MSH3: variants seen among roughly 807,000 people sequenced by gnomAD.
MSH3 encodes mutS homolog 3.
A neutral mutation model predicts 123.3 loss-of-function variants in MSH3; 106 were observed. The observed-to-expected ratio is 0.86, with a 90% CI of 0.73 to 1.01. MSH3 has a LOEUF of 1.01. Ranked by LOEUF, MSH3 falls within the 50% of genes least tolerant of loss-of-function variation. MSH3 has a pLI of 0.00. For missense variants in MSH3, 1,459 were observed against 1,347.6 expected, an observed-to-expected ratio of 1.08 and a Z score of -1.29; for synonymous variants, 515 against 481.4, an observed-to-expected ratio of 1.07 and a Z score of -0.91.
At position 80,858,930 on chromosome 5, in the gene MSH3, A is replaced by G. The variant is rs1745964841; in HGVS notation, c.3000+4614A>G. Among the ~76,000 whole-genome samples, 2 of 152,190 alleles carry G rather than the reference A, an allele frequency of 1.3e-5. 1 individual carries two copies. Among genetic ancestry groups the G allele is most frequent in the East Asian group, 3.8e-4 (2 of 5,198 alleles). ...TTAAGGATATTATGTCTTCTTGGAC[A>G]TAAGACATAATATCCTTTATCATTT... On this transcript the variant is annotated intron_variant, in intron 21 of 23. Coordinates refer to ENST00000265081, the MANE Select transcript of MSH3 (RefSeq NM_002439.5).
chr5:80,711,945 C>T (rs753050774), intron 8 of MSH3, among the ~76,000 whole-genome samples: 2 of 152,192 alleles, frequency 1.3e-5, no homozygotes, highest in Non-Finnish European at 2.9e-5. Flanking sequence ...TGAGCCACCA[C>T]GCCCGGCCAG....
intron 10 of MSH3, among the ~76,000 whole-genome samples, chr5:80,737,087 T>A (rs1020693296): frequency 6.6e-6 from 1 of 152,204 alleles, no homozygotes; most frequent in Non-Finnish European, 1.5e-5. Flanking sequence ...GTCATGTTGT[T>A]TAATTACAGA....
chr5:80,802,281 A>G lies in MSH3; in HGVS notation c.2655+9437A>G, dbSNP rs973211522. Among the ~76,000 whole-genome samples the G allele has an allele frequency of 2.0e-5, 3 of 152,032 alleles. No homozygotes were observed. In the South Asian group the frequency reaches 6.2e-4, roughly 32 times the overall value. Reference sequence around the variant, plus strand: ...TTTTCCTATATTCTTAAAAAGTCTTAAGATAACTTTTAATGGCTTCATGGT... The same window carrying G: ...TTTTCCTATATTCTTAAAAAGTCTTGAGATAACTTTTAATGGCTTCATGGT... On this transcript the variant is annotated intron_variant, in intron 19 of 23. Coordinates refer to ENST00000265081, the MANE Select transcript of MSH3 (RefSeq NM_002439.5).
At chr5:80,797,016 T>C (rs1744710386) in intron 19 of MSH3, among the ~76,000 whole-genome samples, 1 of 152,030 alleles carries the variant, frequency 6.6e-6, no homozygotes, top group African/African-American at 2.4e-5. Flanking sequence ...TGGTTTTCCC[T>C]CTGCTTAGAA....
chr5:80,770,861 A>G (rs890967927), intron 15 of MSH3, among the ~76,000 whole-genome samples: 1 of 152,234 alleles, frequency 6.6e-6, no homozygotes, highest in African/African-American at 2.4e-5. Flanking sequence ...GAAAATTATC[A>G]GGAATTCATA....
At chr5:80,862,049 T>A (rs1278467625) in intron 21 of MSH3, among the ~76,000 whole-genome samples, 2 of 151,996 alleles carry the variant, frequency 1.3e-5, no homozygotes, top group East Asian at 3.9e-4. Context: ...GATCTCTGGA[T>A]AGGGAAGAGA....
At chr5:80,839,645 G>C (rs1455659472) in intron 20 of MSH3, among the ~76,000 whole-genome samples, 1 of 152,154 alleles carries the variant, frequency 6.6e-6, no homozygotes, top group African/African-American at 2.4e-5. Context: ...TGGGGGATGA[G>C]AAAGGGTCAC....
chr5:80,692,822 CAT>C (rs1491120214), intron 8 of MSH3, among the ~76,000 whole-genome samples: 36 of 126,230 alleles, frequency 2.9e-4, no homozygotes, highest in African/African-American at 1.0e-3. Context: ...GATAAATATA[CAT>C]ACACATGTAT....
At chr5:80,672,630 T>C in intron 5 of MSH3, 111 bp from the exon 6 acceptor site, 1 of 917,422 alleles carries the variant, frequency 1.1e-6, no homozygotes, top group Non-Finnish European at 1.8e-6. Context: ...ATCTGAACGT[T>C]GTGGACTGAT....
intron 12 of MSH3, among the ~76,000 whole-genome samples, chr5:80,748,275 G>A (rs1743757333): frequency 6.6e-6 from 1 of 152,088 alleles, no homozygotes; most frequent in Admixed American, 6.5e-5. Flanking sequence ...CTAGGACCAG[G>A]CATTCAAGTT....
intron 17 of MSH3, among the ~76,000 whole-genome samples, chr5:80,782,960 C>T (rs894810004): frequency 1.3e-5 from 2 of 152,086 alleles, no homozygotes; most frequent in African/African-American, 4.8e-5. Flanking sequence ...TTAAATCCTC[C>T]CTTGAAACAT....
rs1749286503 is a variant in MSH3 at position 80,656,426 on chromosome 5, A to T, written c.253A>T (p.Arg85Ter). 22 of 1,614,198 alleles carry T rather than the reference A, an allele frequency of 1.4e-5. No individual in the cohort carries two copies. Among genetic ancestry groups the T allele is most frequent in the Non-Finnish European group, 1.8e-5 (21 of 1,180,020 alleles). Residue 85 changes from arginine (R) to a stop codon, truncating the protein, a stop_gained, in exon 2 of 24, where the codon AGA (arginine) becomes TGA (stop). Transcript: ENST00000265081. LOFTEE classifies it high-confidence loss of function. Reference protein sequence around the residue: ...LPPHIATEIDRRKKRPLENDG... With the variant: ...LPPHIATEID ...CCCGATATAGGCTACAGAAATTGAC[A>T]GAAGAAAGAAGAGACCATTGGAAAA...
At chr5:80,696,474 C>T (rs1487008141) in intron 8 of MSH3, among the ~76,000 whole-genome samples, 4 of 152,078 alleles carry the variant, frequency 2.6e-5, no homozygotes, top group Non-Finnish European at 5.9e-5. Flanking sequence ...TTTGTTGAGG[C>T]TTTTTTGTCT....
chr5:80,715,993 G>T (rs978405256), intron 8 of MSH3, among the ~76,000 whole-genome samples: 1 of 152,100 alleles, frequency 6.6e-6, no homozygotes, highest in African/African-American at 2.4e-5. Context: ...GAGGGCAAGT[G>T]CAATGTCTTC....
At chr5:80,735,495 TG>T (rs1233907949) in intron 10 of MSH3, among the ~76,000 whole-genome samples, 1 of 151,110 alleles carries the variant, frequency 6.6e-6, no homozygotes, top group African/African-American at 2.4e-5. Flanking sequence ...GAGACCAGCC[TG>T]GGTAACACGA....
In MSH3 at chr5:80,691,010, ATAT is replaced by A. The variant is rs557749969; in HGVS notation, c.1340+11920_1340+11922del. ...AAAATAATTAAACTCATAATTTAAT[ATAT>A]TAATATGATTAATAAATGTTATTCA... On this transcript the variant is annotated intron_variant, in intron 8 of 23. Transcript: ENST00000265081. 2.2e-4 allele frequency among the ~76,000 whole-genome samples: 34 copies of A among 152,100 alleles called. No homozygotes were observed. In the South Asian group the frequency reaches 6.8e-3, roughly 31 times the overall value.
At chr5:80,703,074 A>G (rs1383755587) in intron 8 of MSH3, among the ~76,000 whole-genome samples, 1 of 152,228 alleles carries the variant, frequency 6.6e-6, no homozygotes, top group Non-Finnish European at 1.5e-5. Flanking sequence ...ACATTCTGCC[A>G]TTACTGAAAT....
At chr5:80,719,505 T>C (rs1237364763) in intron 8 of MSH3, among the ~76,000 whole-genome samples, 1 of 152,184 alleles carries the variant, frequency 6.6e-6, no homozygotes, top group African/African-American at 2.4e-5. Context: ...TATCTCCTTT[T>C]CCCCACCATG....
chr5:80,813,037 G>A (rs547487635), intron 19 of MSH3, among the ~76,000 whole-genome samples: 1 of 152,344 alleles, frequency 6.6e-6, no homozygotes, highest in African/African-American at 2.4e-5. Context: ...AGAAAATTAA[G>A]TTGTTGCAAG....
Sources: gnomAD v4.1 joint callset for allele counts (sites outside exome capture counted in the v4.1 genomes callset) on GRCh38, gnomAD v4.1.1 for gene constraint, MANE v1.5 for transcripts, NCBI Gene and HGNC (gene_info 2026-07-23, HGNC 2026-07-21) for gene names.